The following UNC93B1 variants were observed in gnomAD, a reference collection of about 807,000 sequenced individuals.
UNC93B1 encodes protein unc-93 homolog B1.
Under a neutral mutation model 56.8 loss-of-function variants are expected in UNC93B1, and 33 were observed. The ratio of observed to expected loss-of-function variants is 0.58; its 90% confidence interval spans 0.44 to 0.78. The LOEUF is 0.78. Ranked by LOEUF, UNC93B1 falls within the 30% of genes least tolerant of loss-of-function variation. UNC93B1 has a pLI of 0.00. For synonymous variants in UNC93B1, 334 were observed against 358.6 expected (o/e 0.93, Z 0.77); for missense variants, 673 against 819.5 (o/e 0.82, Z 2.18).
At chr11:67,992,662 T>TTC (rs1194493810) in intron 10 of UNC93B1, among the ~76,000 whole-genome samples, 3 of 149,426 alleles carry the variant, frequency 2.0e-5, no homozygotes, top group African/African-American at 7.5e-5. Flanking sequence ...CTTTTTTTTT[T>TTC]TTCCTTTTTT....
At chr11:68,001,315 C>T (rs1322018869) in intron 3 of UNC93B1, among the ~76,000 whole-genome samples, 1 of 152,170 alleles carries the variant, frequency 6.6e-6, no homozygotes, top group Admixed American at 6.5e-5. Flanking sequence ...TTTTGTATGG[C>T]TTGGACCTAG....
chr11:67,994,455 G>T (rs1752997380), intron 9 of UNC93B1, among the ~76,000 whole-genome samples: 1 of 152,162 alleles, frequency 6.6e-6, no homozygotes, highest in Admixed American at 6.5e-5. Flanking sequence ...AATCATAGGG[G>T]CCACTATTAA....
At chr11:67,993,269 G>A (rs552988078) in intron 10 of UNC93B1, among the ~76,000 whole-genome samples, 12 of 152,324 alleles carry the variant, frequency 7.9e-5, no homozygotes, top group Admixed American at 5.2e-4. Flanking sequence ...GATTACAGGC[G>A]TGAGCCACCG....
chr11:68,002,786 C>T (rs1351812262), intron 3 of UNC93B1, among the ~76,000 whole-genome samples: 1 of 152,194 alleles, frequency 6.6e-6, no homozygotes, highest in Middle Eastern at 3.2e-3. Flanking sequence ...GGAGGGAGCT[C>T]AGCCCGTGTG....
chr11:67,995,766 A>G lies in UNC93B1; in HGVS notation c.1208T>C (p.Val403Ala), dbSNP rs779514796. ...CACCCCTGCTCCGGCCACCAGGGGC[A>G]CCGGGCGTGGCAGCCACAGGCCCAG... is the stretch of plus-strand genomic sequence containing the variant. ...GLLGLWLPRP[V>A]PLVAGAGVHL... The change falls in exon 9 of 11, where the codon GTG becomes GCG. Residue 403 changes from valine to alanine, a missense_variant. By Grantham distance (64) the Val-to-Ala change is moderately conservative (BLOSUM62 0). This residue lies in a region of UNC93B1 where 155 missense variants were observed against 268.3 expected (regional missense o/e 0.58). Transcript: ENST00000227471. 3.0e-5 allele frequency: 47 copies of G among 1,548,228 alleles called. 1 individual carries two copies. The South Asian group carries it at 5.6e-4, about 18-fold the overall frequency.
intron 6 of UNC93B1, 32 bp from the exon 7 acceptor site, chr11:67,997,831 C>T (rs1055578590): frequency 1.3e-6 from 2 of 1,595,730 alleles, no homozygotes; most frequent in East Asian, 2.2e-5. Context: ...GCACCGTGAG[C>T]AGAGAGTAGG....
At chr11:67,996,807 G>C (rs1257198698) in intron 7 of UNC93B1, 23 bp from the exon 8 acceptor site, 1 of 1,517,132 alleles carries the variant, frequency 6.6e-7, no homozygotes, top group East Asian at 2.5e-5. Flanking sequence ...TACTTGAAGG[G>C]GCGGCCAGCC....
chr11:67,997,048 C>G (rs556375296), intron 7 of UNC93B1, among the ~76,000 whole-genome samples: 20 of 152,132 alleles, frequency 1.3e-4, no homozygotes, highest in East Asian at 5.8e-4. Context: ...CCCATCCCCT[C>G]TCTCTCACAT....
At position 68,003,680 on chromosome 11, in the gene UNC93B1, A is replaced by G; in HGVS notation, c.215T>C (p.Met72Thr). The change falls in exon 2 of 11, where the codon ATG becomes ACG. Residue 72 changes from methionine to threonine, a missense_variant. Transcript: ENST00000227471. The surrounding 1 kb of genome is among the most constrained non-coding windows in gnomAD (Gnocchi z 4.4). ...ACCCAGGTAGACGCCGTAGGTGAGCATGCCCCCGGCGCTGGCAGCCAGCAC... is the reference window on the plus strand; with the variant it reads ...ACCCAGGTAGACGCCGTAGGTGAGCGTGCCCCCGGCGCTGGCAGCCAGCAC... ...KNVLAASAGG[M>T]LTYGVYLGLL... 1.3e-6 allele frequency: 2 copies of G among 1,529,286 alleles called. No individual in the cohort carries two copies. Among genetic ancestry groups the G allele is most frequent in the Non-Finnish European group, 1.7e-6 (2 of 1,143,152 alleles). 94.7% of individuals were successfully genotyped at this position (1,529,286 alleles called of 1,614,324 possible).
At chr11:67,995,580 C>T (rs775351626) in intron 9 of UNC93B1, 31 bp downstream of exon 9, 1 of 137,502 alleles carries the variant, frequency 7.3e-6, no homozygotes. Context: ...TGCCCCGCCC[C>T]CCCCCCCCCA....
At chr11:67,998,506 A>G in intron 5 of UNC93B1, 54 bp from the exon 6 acceptor site, 2 of 1,579,790 alleles carry the variant, frequency 1.3e-6, no homozygotes, top group South Asian at 1.1e-5. Flanking sequence ...CAGGCAAGGG[A>G]CACAGGCATG....
intron 10 of UNC93B1, among the ~76,000 whole-genome samples, chr11:67,992,340 C>A (rs891470081): frequency 2.0e-5 from 3 of 152,148 alleles, no homozygotes; most frequent in African/African-American, 7.2e-5. Context: ...TTTCCAGACA[C>A]GGTCGCTCCG....
chr11:68,002,908 C>T (rs1264172228), intron 3 of UNC93B1, 114 bp downstream of exon 3: 3 of 1,387,214 alleles, frequency 2.2e-6, no homozygotes, highest in Non-Finnish European at 1.9e-6. Context: ...AAACCTCTCC[C>T]TTGTTCCCTC....
At chr11:68,001,386 C>G (rs771120101) in intron 3 of UNC93B1, among the ~76,000 whole-genome samples, 1 of 152,010 alleles carries the variant, frequency 6.6e-6, no homozygotes, top group Non-Finnish European at 1.5e-5. Flanking sequence ...TGGGGGAGTG[C>G]TGGATGTGGT....
At position 68,003,227 on chromosome 11, in the gene UNC93B1, C is replaced by T; in HGVS notation, c.239-52G>A. On this transcript the variant is annotated intron_variant, in intron 2 of 10. Coordinates refer to ENST00000227471, the MANE Select transcript of UNC93B1 (RefSeq NM_030930.4). This position sits in a 1 kb window ranked among gnomAD's most constrained non-coding sequence, Gnocchi z 4.4. ...CAGGGAGCAGCCTAGCTTTGGGCGC[C>T]ACCGAGCAGAAGACGGCATGCAGGC... is the stretch of plus-strand genomic sequence containing the variant. The T allele has an allele frequency of 6.5e-7, 1 of 1,542,478 alleles. No homozygotes were observed. Among genetic ancestry groups the T allele is most frequent in the East Asian group, 2.4e-5 (1 of 41,810 alleles).
intron 5 of UNC93B1, 66 bp downstream of exon 5, chr11:67,999,107 A>T (rs539576800): frequency 6.2e-7 from 1 of 1,600,378 alleles, no homozygotes; most frequent in African/African-American, 1.3e-5. Flanking sequence ...GAGGGTTGAG[A>T]CTGTGGATGG....
At chr11:67,996,348 C>A (rs1306796365) in intron 8 of UNC93B1, among the ~76,000 whole-genome samples, 2 of 152,034 alleles carry the variant, frequency 1.3e-5, no homozygotes, top group Non-Finnish European at 2.9e-5. Flanking sequence ...CCCTAGACAC[C>A]GTGGGCTGTA....
chr11:67,992,166 GC>G (rs1372034260), intron 10 of UNC93B1, among the ~76,000 whole-genome samples: 1 of 152,252 alleles, frequency 6.6e-6, no homozygotes, highest in Non-Finnish European at 1.5e-5. Flanking sequence ...CTGGCCACAG[GC>G]CCTGCCTTCC....
At chr11:67,997,537 G>T in intron 7 of UNC93B1, 138 bp downstream of exon 7, 1 of 1,431,244 alleles carries the variant, frequency 7.0e-7, no homozygotes, top group Non-Finnish European at 9.4e-7. Context: ...CTCAGATCGC[G>T]CTCCCAGGCC....
Sources: gnomAD v4.1 joint callset for allele counts (sites outside exome capture counted in the v4.1 genomes callset) on GRCh38, gnomAD v4.1.1 for gene constraint, gnomAD v4.1.1 regional missense constraint, Gnocchi (gnomAD v3.1) non-coding constraint, MANE v1.5 for transcripts, NCBI Gene and HGNC (gene_info 2026-07-23, HGNC 2026-07-21) for gene names.